The following CPLANE1 variants were observed in gnomAD, a reference collection of about 807,000 sequenced individuals.
CPLANE1 encodes ciliogenesis and planar polarity effector 1.
In CPLANE1, 263 loss-of-function variants were observed where a neutral mutation model predicts 362.5. The ratio of observed to expected loss-of-function variants is 0.73; its 90% CI spans 0.66 to 0.80. The LOEUF is 0.80. Among genes scored for constraint, CPLANE1 ranks in the 30% least tolerant of loss-of-function variants. CPLANE1 has a pLI of 0.00. For synonymous variants in CPLANE1, 1,212 were observed against 1,302.6 expected, an observed-to-expected ratio of 0.93 and a Z score of 1.50; for missense variants, 3,461 against 3,793.4, an observed-to-expected ratio of 0.91 and a Z score of 2.30.
the CPLANE1 span, chr5:37,085,860 C>T: frequency 1.8e-6 from 2 of 1,105,612 alleles, no homozygotes; most frequent in South Asian, 2.5e-5. Flanking sequence ...TGAAATGGTC[C>T]CTGGGTGACG....
intron 18 of CPLANE1, among the ~76,000 whole-genome samples, chr5:37,202,291 A>G (rs1402310587): frequency 6.6e-6 from 1 of 151,806 alleles, no homozygotes; most frequent in Non-Finnish European, 1.5e-5. Flanking sequence ...CCTCCTGAGT[A>G]GCTGGGATTA....
At chr5:37,207,717 A>G (rs1163237712) in intron 16 of CPLANE1, among the ~76,000 whole-genome samples, 7 of 152,234 alleles carry the variant, frequency 4.6e-5, no homozygotes, top group Admixed American at 4.6e-4. Context: ...AATTTCTGAT[A>G]GTATTTTAAC....
chr5:37,239,184 C>A (rs1232843717), intron 7 of CPLANE1, among the ~76,000 whole-genome samples: 1 of 152,018 alleles, frequency 6.6e-6, no homozygotes, highest in South Asian at 2.1e-4. Flanking sequence ...TTCCCTTATT[C>A]TTTTTTCATT....
At chr5:37,121,891 T>C (rs542332587) in intron 48 of CPLANE1, 107 bp from the exon 49 acceptor site, 1 of 1,004,154 alleles carries the variant, frequency 1.0e-6, no homozygotes, top group East Asian at 2.6e-5. Flanking sequence ...GTTTTTTTTT[T>C]TTTTTGAGAC....
intron 14 of CPLANE1, among the ~76,000 whole-genome samples, chr5:37,222,004 TC>T (rs1795457015): frequency 6.6e-6 from 1 of 151,758 alleles, no homozygotes; most frequent in African/African-American, 2.4e-5. Context: ...CATATGTATA[TC>T]AAAGGGATGG....
chr5:37,105,972 C>A (rs1296162004), downstream of CPLANE1, among the ~76,000 whole-genome samples: 1 of 151,992 alleles, frequency 6.6e-6, no homozygotes, highest in Non-Finnish European at 1.5e-5. Context: ...TATCGCTGCA[C>A]CCCAGTTAAA....
In CPLANE1 at chr5:37,107,646, C is replaced by T. The variant is rs780349375; in HGVS notation, c.9712G>A (p.Val3238Met). Residue 3238 changes from valine (V) to methionine (M), a missense_variant, in exon 53 of 53, where the codon GTG (valine) becomes ATG (methionine). Val to Met is a conservative substitution (Grantham distance 21). Coordinates refer to ENST00000651892, the MANE Select transcript of CPLANE1 (RefSeq NM_001384732.1). Reference protein sequence around the residue: ...WNAIEDMVASVEDQGLSVHWA... With the variant: ...WNAIEDMVASMEDQGLSVHWA... ...TGGACAGACAGGCCCTGGTCCTCCA[C>T]GCTGGCCACCATGTCTTCGATGGCA... The T allele has an allele frequency of 7.4e-6, 12 of 1,611,132 alleles. No individual in the cohort carries two copies. The highest frequency in any genetic ancestry group is 6.7e-5 in the East Asian group (3 of 44,788).
rs537017342 is a variant in CPLANE1, at chr5:37,234,230, A to G, written c.939-3181T>C. Among the ~76,000 whole-genome samples the G allele has an allele frequency of 1.1e-3, 160 of 152,316 alleles. 1 individual carries two copies. Among genetic ancestry groups the G allele is most frequent in the African/African-American group, 3.3e-3 (138 of 41,570 alleles). Reference sequence around the variant, plus strand: ...GACCACAAAAATTGTCCGGTAATAGATGCCAATCAAAAATAATTCCCCCAA... The same window carrying G: ...GACCACAAAAATTGTCCGGTAATAGGTGCCAATCAAAAATAATTCCCCCAA... On this transcript the variant is annotated intron_variant, in intron 8 of 52. Coordinates refer to ENST00000651892, the MANE Select transcript of CPLANE1 (RefSeq NM_001384732.1).
At position 37,224,306 on chromosome 5, in the gene CPLANE1, T is replaced by C; in HGVS notation, c.2528A>G (p.Tyr843Cys). Residue 843 changes from tyrosine (Y) to cysteine (C), a missense_variant, in exon 14 of 53, where the codon TAT becomes TGT. Around this residue, in one of 2 missense-constraint regions of CPLANE1, gnomAD observed 3,380 missense variants for 3,666.1 expected, o/e 0.92. Coordinates refer to ENST00000651892, the MANE Select transcript of CPLANE1 (RefSeq NM_001384732.1). ...TTTCCACAGCTGAACAGACTTTTCA[T>C]ATGATCCTAATAAAAAACATTCTTC... is the stretch of plus-strand genomic sequence containing the variant. ...NGEECFLLGS[Y>C]EKSVQLWKKA... 1.3e-6 allele frequency: 2 copies of C among 1,549,752 alleles called. No individual in the cohort carries two copies. Among genetic ancestry groups the C allele is most frequent in the Non-Finnish European group, 1.7e-6 (2 of 1,146,130 alleles).
the CPLANE1 span, among the ~76,000 whole-genome samples, chr5:37,094,541 T>G: frequency 2.3e-4 from 35 of 151,510 alleles, no homozygotes; most frequent in African/African-American, 8.2e-4. Context: ...GAAACAAGAA[T>G]AAAACAAACC....
intron 43 of CPLANE1, among the ~76,000 whole-genome samples, chr5:37,145,112 T>C (rs1771130720): frequency 6.6e-6 from 1 of 152,128 alleles, no homozygotes; most frequent in South Asian, 2.1e-4. Flanking sequence ...GAGACCATCC[T>C]GGCCAACATG....
intron 7 of CPLANE1, 84 bp downstream of exon 7, chr5:37,239,629 G>T: frequency 1.1e-5 from 9 of 808,682 alleles, no homozygotes; most frequent in African/African-American, 1.8e-5. Context: ...TGGATATAAA[G>T]GAGTATTTAG....
At position 37,126,176 on chromosome 5, in the gene CPLANE1, C is replaced by T. The variant is rs568123803; in HGVS notation, c.8793-767G>A. Reference sequence around the variant, plus strand: ...ATCACTTGAGCCTGGGAGGTCGAAGCTGCAGTGAGCAGTGACTGTGCCACT... The same window carrying T: ...ATCACTTGAGCCTGGGAGGTCGAAGTTGCAGTGAGCAGTGACTGTGCCACT... On this transcript the variant is annotated intron_variant, in intron 46 of 52. Coordinates refer to ENST00000651892, the MANE Select transcript of CPLANE1 (RefSeq NM_001384732.1). 3.3e-5 allele frequency among the ~76,000 whole-genome samples: 5 copies of T among 152,308 alleles called. No homozygotes were observed. The East Asian group carries it at 9.7e-4, about 29-fold the overall frequency.
At chr5:37,146,169 T>C (rs961993992) in intron 43 of CPLANE1, among the ~76,000 whole-genome samples, 1 of 151,154 alleles carries the variant, frequency 6.6e-6, no homozygotes, top group African/African-American at 2.4e-5. Flanking sequence ...GTTCCAACTG[T>C]AATAATTAAA....
chr5:37,211,267 TCAAACAGCTTCAG>T, intron 16 of CPLANE1: 1 of 1,508,072 alleles, frequency 6.6e-7, no homozygotes, highest in Non-Finnish European at 9.2e-7. Context: ...AATGCAAGGG[TCAAACAGCTTCAG>T]CAAGAGGCGG....
At chr5:37,119,220 G>A (rs1030155722) in intron 50 of CPLANE1, among the ~76,000 whole-genome samples, 3 of 152,170 alleles carry the variant, frequency 2.0e-5, no homozygotes, top group Non-Finnish European at 4.4e-5. Context: ...ATTTCAATCT[G>A]AGCTTCTTAG....
chr5:37,226,520 A>T lies in CPLANE1; in HGVS notation c.2075T>A (p.Leu692His). The change falls in exon 12 of 53, where the codon CTC becomes CAC. Residue 692 changes from leucine to histidine, a missense_variant. Physicochemically the swap from Leu to His is moderately conservative, Grantham distance 99. This residue lies in a region of CPLANE1 where 3,380 missense variants were observed against 3,666.1 expected (regional missense o/e 0.92). Transcript: ENST00000651892. ...ATTTAAATTGTCAGCTACCATTTTG[A>T]GTAAATAAAAACAAGCTAAAAGTTT... ...SEKLLACFYL[L>H]KMVADNLNGV... 6.5e-7 allele frequency: 1 copy of T among 1,548,248 alleles called. No homozygotes were observed. Among genetic ancestry groups the T allele is most frequent in the Non-Finnish European group, 8.7e-7 (1 of 1,145,792 alleles).
intron 21 of CPLANE1, among the ~76,000 whole-genome samples, chr5:37,188,696 T>C (rs1784676821): frequency 6.6e-6 from 1 of 152,186 alleles, no homozygotes; most frequent in Non-Finnish European, 1.5e-5. Flanking sequence ...GAAATCATTA[T>C]ATGAAAAAGA....
intron 38 of CPLANE1, among the ~76,000 whole-genome samples, chr5:37,159,991 C>T (rs1027884670): frequency 6.6e-6 from 1 of 151,706 alleles, no homozygotes. Context: ...AAAAATTTCA[C>T]AAACACAAGA....
Sources: gnomAD v4.1 joint callset for allele counts (sites outside exome capture counted in the v4.1 genomes callset) on GRCh38, gnomAD v4.1.1 for gene constraint, gnomAD v4.1.1 regional missense constraint, MANE v1.5 for transcripts, NCBI Gene and HGNC (gene_info 2026-07-23, HGNC 2026-07-21) for gene names.